The following AGPAT3 variants were observed in gnomAD, a reference collection of about 807,000 sequenced individuals.
The protein encoded by AGPAT3 is 1-acyl-sn-glycerol-3-phosphate acyltransferase gamma.
A neutral mutation model predicts 47.3 loss-of-function variants in AGPAT3; 5 were observed. The observed-to-expected ratio is 0.11, with a 90% CI of 0.06 to 0.22. The LOEUF is 0.22. Ranked by LOEUF, AGPAT3 falls within the 10% of genes least tolerant of loss-of-function variation. AGPAT3 has a pLI of 1.00. For missense variants in AGPAT3, 315 were observed against 493.0 expected, an observed-to-expected ratio of 0.64 and a Z score of 3.42; for synonymous variants, 212 against 208.3, an observed-to-expected ratio of 1.02 and a Z score of -0.15.
Position 43,985,115 on chromosome 21 carries a change from C to G in AGPAT3, c.*2723C>G, listed in dbSNP as rs536556306. The G allele has an allele frequency of 6.6e-6, 3 of 456,284 alleles. No homozygotes were observed. Among genetic ancestry groups the G allele is most frequent in the Middle Eastern group, 3.3e-4 (1 of 3,076 alleles). 28.3% of individuals were successfully genotyped at this position (456,284 alleles called of 1,614,324 possible). A position where few individuals can be genotyped will look rare whatever the true frequency, so the allele number is the denominator to read the frequency against. On this transcript the variant is annotated 3_prime_UTR_variant, in exon 10 of 10. Transcript: ENST00000291572. ...GGCCGGTCAAGCTCCCAGCCTGGGC[C>G]GTGGTCTCCTGGGGACGCCGCTGGC...
At chr21:43,924,828 G>A (rs954817451) in intron 2 of AGPAT3, among the ~76,000 whole-genome samples, 24 of 152,244 alleles carry the variant, frequency 1.6e-4, no homozygotes, top group African/African-American at 5.3e-4. Flanking sequence ...GTCCAGGGCT[G>A]CCGTGTTGGA....
intron 2 of AGPAT3, among the ~76,000 whole-genome samples, chr21:43,947,692 C>CCT (rs1555907816): frequency 7.0e-6 from 1 of 142,072 alleles, no homozygotes; most frequent in Non-Finnish European, 1.5e-5. Flanking sequence ...CTTTTCTTTT[C>CCT]TTTTTTTTTT....
rs967636054 is a variant in AGPAT3, at chr21:43,955,572, G to T, written c.-48-4062G>T. Among the ~76,000 whole-genome samples, 13 of 151,990 alleles carry T rather than the reference G, an allele frequency of 8.6e-5. No homozygotes were observed. Among genetic ancestry groups the T allele is most frequent in the Admixed American group, 3.9e-4 (6 of 15,286 alleles). On this transcript the variant is annotated intron_variant, in intron 2 of 9. Coordinates refer to ENST00000291572, the MANE Select transcript of AGPAT3 (RefSeq NM_020132.5). This position sits in a 1 kb window ranked among gnomAD's most constrained non-coding sequence, Gnocchi z 4.1. ...GCCTCCCAAAGTGCTCAGATTACAG[G>T]TGTGAGCCACCGCGCCCGGCTGAGA...
At chr21:43,961,917 A>T (rs1338632031) in intron 3 of AGPAT3, among the ~76,000 whole-genome samples, 1 of 151,864 alleles carries the variant, frequency 6.6e-6, no homozygotes, top group Non-Finnish European at 1.5e-5. Context: ...GCGACACCCC[A>T]CTGTCTGCAG....
chr21:43,954,486 T>C lies in AGPAT3; in HGVS notation c.-48-5148T>C, dbSNP rs1366285948. 1 of 152,234 alleles carries C rather than the reference T, an allele frequency of 6.6e-6. No homozygotes were observed. The highest frequency in any genetic ancestry group is 1.5e-5 in the Non-Finnish European group (1 of 68,074). 9.4% of individuals were successfully genotyped at this position (152,234 alleles called of 1,614,324 possible). A position where few individuals can be genotyped will look rare whatever the true frequency, so the allele number is the denominator to read the frequency against. On this transcript the variant is annotated intron_variant, in intron 2 of 9. Transcript: ENST00000291572. This position sits in a 1 kb window ranked among gnomAD's most constrained non-coding sequence, Gnocchi z 4.0. ...TGGAATTAAGCAGGTGAACAGCAGA[T>C]GTTTCTTGGAATGGAGTCTGGTCCA...
intron 1 of AGPAT3, among the ~76,000 whole-genome samples, chr21:43,901,600 C>T (rs1003890079): frequency 1.3e-5 from 2 of 152,012 alleles, no homozygotes; most frequent in South Asian, 4.1e-4. Context: ...CTGGACAACC[C>T]CATCTGTACA....
chr21:43,886,072 T>TGCAAA (rs2085969758), intron 1 of AGPAT3, among the ~76,000 whole-genome samples: 1 of 152,128 alleles, frequency 6.6e-6, no homozygotes, highest in Non-Finnish European at 1.5e-5. Flanking sequence ...AGGGCACAGC[T>TGCAAA]GGGTGGACGC....
chr21:43,906,722 C>T (rs1040472994), intron 2 of AGPAT3, among the ~76,000 whole-genome samples: 6 of 152,238 alleles, frequency 3.9e-5, no homozygotes, highest in African/African-American at 9.6e-5. Context: ...GGAGTGTCGC[C>T]GGAGCCGTGT....
In AGPAT3 at chr21:43,914,794, G is replaced by A. The variant is rs999769183; in HGVS notation, c.-49+10775G>A. 5.3e-5 allele frequency among the ~76,000 whole-genome samples: 8 copies of A among 151,974 alleles called. No individual in the cohort carries two copies. In the South Asian group the frequency reaches 6.2e-4, roughly 12 times the overall value. On this transcript the variant is annotated intron_variant, in intron 2 of 9. Transcript: ENST00000291572. ...TGGTCTCAAGTGATCCTCACAGCTCGGCCTCCCAAAGCACTGTTATCACAG... is the reference window on the plus strand; with the variant it reads ...TGGTCTCAAGTGATCCTCACAGCTCAGCCTCCCAAAGCACTGTTATCACAG...
At position 43,939,286 on chromosome 21, in the gene AGPAT3, G is replaced by A. The variant is rs1046837312; in HGVS notation, c.-48-20348G>A. 2.6e-5 allele frequency among the ~76,000 whole-genome samples: 4 copies of A among 152,068 alleles called. No homozygotes were observed. The highest frequency in any genetic ancestry group is 7.2e-5 in the African/African-American group (3 of 41,410). ...CCGTGTGCTGTCGAGGGCCTCTAGC[G>A]GGCGCTCCCTTGATAACACCCCACC... On this transcript the variant is annotated intron_variant, in intron 2 of 9. Transcript: ENST00000291572. The surrounding 1 kb of genome is among the most constrained non-coding windows in gnomAD (Gnocchi z 4.4).
At chr21:43,974,925 G>A (rs2089548158) in intron 7 of AGPAT3, among the ~76,000 whole-genome samples, 2 of 152,226 alleles carry the variant, frequency 1.3e-5, no homozygotes, top group African/African-American at 4.8e-5. Flanking sequence ...TTTATTTACT[G>A]GGACGTGATG....
chr21:43,872,960 A>C (rs1358648227), intron 1 of AGPAT3, among the ~76,000 whole-genome samples: 1 of 152,262 alleles, frequency 6.6e-6, no homozygotes, highest in Non-Finnish European at 1.5e-5. Context: ...GGGAAGACGC[A>C]GAAACAAAAC....
intron 3 of AGPAT3, chr21:43,967,572 A>T (rs540057069): frequency 5.0e-6 from 1 of 198,608 alleles, no homozygotes; most frequent in African/African-American, 2.3e-5. Flanking sequence ...CAGACATACG[A>T]TGGTTGTTTT....
chr21:43,877,907 A>C (rs1601196985), intron 1 of AGPAT3, among the ~76,000 whole-genome samples: 11 of 143,226 alleles, frequency 7.7e-5, no homozygotes, highest in African/African-American at 1.3e-4. Context: ...CATCTCCCAC[A>C]CCCCCTTCCC....
intron 2 of AGPAT3, among the ~76,000 whole-genome samples, chr21:43,944,587 A>G (rs1601381146): frequency 6.6e-6 from 1 of 152,366 alleles, no homozygotes; most frequent in East Asian, 1.9e-4. Flanking sequence ...CTTGTTCCCC[A>G]GAAAAGCACA....
intron 2 of AGPAT3, among the ~76,000 whole-genome samples, chr21:43,941,892 C>T (rs954632235): frequency 4.6e-5 from 7 of 152,246 alleles, no homozygotes; most frequent in East Asian, 1.9e-4. Flanking sequence ...GGGAAAAGAG[C>T]GCCTCTGTCT....
chr21:43,892,307 CAA>C (rs112614012), intron 1 of AGPAT3, among the ~76,000 whole-genome samples: 4 of 125,620 alleles, frequency 3.2e-5, no homozygotes, highest in Non-Finnish European at 3.4e-5. Context: ...AACTCTGTCT[CAA>C]AAAAAAAAAA....
At chr21:43,977,339 CTG>C (rs1351717345) in intron 7 of AGPAT3, among the ~76,000 whole-genome samples, 1 of 152,206 alleles carries the variant, frequency 6.6e-6, no homozygotes, top group Non-Finnish European at 1.5e-5. Context: ...TCAGTCATGA[CTG>C]TCTCTGAAGA....
intron 2 of AGPAT3, among the ~76,000 whole-genome samples, chr21:43,923,289 C>T (rs180739615): frequency 4.2e-4 from 64 of 152,276 alleles, no homozygotes; most frequent in South Asian, 2.3e-3. Context: ...ACTCGGGGAC[C>T]GGGCAACGCC....
Sources: allele counts gnomAD v4.1 joint callset (sites outside exome capture counted in the v4.1 genomes callset), GRCh38; gene constraint gnomAD v4.1.1; non-coding constraint Gnocchi (gnomAD v3.1); transcripts MANE v1.5; gene names NCBI Gene and HGNC (gene_info 2026-07-23, HGNC 2026-07-21).